The following ARHGAP29 variants were observed in gnomAD, a reference collection of about 807,000 sequenced individuals.
ARHGAP29 encodes the protein Rho GTPase activating protein 29, also known as rho GTPase-activating protein 29.
In ARHGAP29, 43 loss-of-function variants were observed where a neutral mutation model predicts 122.6. That is an observed-to-expected ratio of 0.35 (90% CI 0.27 to 0.45). ARHGAP29 has a LOEUF of 0.45. ARHGAP29 is among the 20% of genes least tolerant of loss of function. ARHGAP29 has a pLI of 1.00. For synonymous variants in ARHGAP29, 506 were observed against 497.1 expected, an observed-to-expected ratio of 1.02 and a Z score of -0.24; for missense variants, 1,303 against 1,477.2, an observed-to-expected ratio of 0.88 and a Z score of 1.93.
At chr1:94,201,129 C>T (rs1650815357) in intron 12 of ARHGAP29, among the ~76,000 whole-genome samples, 1 of 152,012 alleles carries the variant, frequency 6.6e-6, no homozygotes, top group South Asian at 2.1e-4. Flanking sequence ...TAATTTACTC[C>T]AATTCTGAAG....
Position 94,169,101 on chromosome 1 carries a change from T to A in ARHGAP29, c.*4768A>T, listed in dbSNP as rs978621617. 6.6e-6 allele frequency among the ~76,000 whole-genome samples: 1 copy of A among 152,236 alleles called. No homozygotes were observed. Among genetic ancestry groups the A allele is most frequent in the African/African-American group, 2.4e-5 (1 of 41,458 alleles). Reference sequence around the variant, plus strand: ...CAATATTTTCTATAAATTTCATAAATGTCTATGTTTAAACATTCCTGGTAA... The same window carrying A: ...CAATATTTTCTATAAATTTCATAAAAGTCTATGTTTAAACATTCCTGGTAA... On this transcript the variant is annotated 3_prime_UTR_variant, in exon 23 of 23. Transcript: ENST00000260526.
the ARHGAP29 span, among the ~76,000 whole-genome samples, chr1:94,283,392 C>T: frequency 1.2e-4 from 19 of 152,158 alleles, no homozygotes; most frequent in African/African-American, 4.3e-4. Context: ...TTGTGACTCC[C>T]AAGCACCACT....
At chr1:94,212,713 G>A (rs932599271) in intron 3 of ARHGAP29, among the ~76,000 whole-genome samples, 2 of 152,140 alleles carry the variant, frequency 1.3e-5, no homozygotes, top group Non-Finnish European at 2.9e-5. Context: ...CTACCTGAGC[G>A]AAGTTATAGC....
chr1:94,297,700 G>A, the ARHGAP29 span, among the ~76,000 whole-genome samples: 1 of 152,176 alleles, frequency 6.6e-6, no homozygotes, highest in Non-Finnish European at 1.5e-5. Context: ...TCAGAGCTGG[G>A]CACATGACAT....
rs149093475 is a variant in ARHGAP29 at position 94,189,321 on chromosome 1, G to T, written c.1471C>A (p.Pro491Thr). The T allele has an allele frequency of 1.2e-6, 2 of 1,611,708 alleles. No individual in the cohort carries two copies. Among genetic ancestry groups the T allele is most frequent in the Non-Finnish European group, 1.7e-6 (2 of 1,179,076 alleles). Residue 491 changes from proline to threonine, a missense_variant, in exon 14 of 23, where the codon CCT (proline) becomes ACT (threonine). By Grantham distance (38) the Pro-to-Thr change is conservative (BLOSUM62 -1). This residue lies in a region of ARHGAP29 where 592 missense variants were observed against 648.2 expected (regional missense o/e 0.91). Transcript: ENST00000260526. ...GAGTTGGCAGGTCCAAATCCTGAAG[G>T]TTGGGAACTATTTAAATGTTTATTT... ...NVNKHLNSSQ[P>T]SGFGPANSLE... is the part of the protein sequence containing the mutation.
rs541671376 is a variant in ARHGAP29 at position 94,173,615 on chromosome 1, G to A, written c.*254C>T. ...AAGTCAACTGAACTTTAAAAAATAC[G>A]AATCCACCTATCTTATTCACAACTT... On this transcript the variant is annotated 3_prime_UTR_variant, in exon 23 of 23. Transcript: ENST00000260526. The A allele has an allele frequency of 7.5e-5, 27 of 361,480 alleles. 1 individual carries two copies. Among genetic ancestry groups the A allele is most frequent in the Non-Finnish European group, 4.5e-5 (9 of 201,620 alleles). The allele number at this position is 361,480 out of a possible 1,614,324, so 22.4% of individuals were successfully genotyped here.
the ARHGAP29 span, chr1:94,302,487 A>G: frequency 5.7e-6 from 2 of 352,760 alleles, no homozygotes; most frequent in Non-Finnish European, 1.1e-5. Context: ...CCAGCTGCCT[A>G]ACCTCCTGGC....
chr1:94,196,424 G>T (rs1217096834), intron 12 of ARHGAP29, among the ~76,000 whole-genome samples: 3 of 150,738 alleles, frequency 2.0e-5, no homozygotes, highest in Non-Finnish European at 3.0e-5. Context: ...ACCACGCCCG[G>T]CTAATTTTTT....
At chr1:94,279,084 C>T (rs144928296), upstream of ARHGAP29, among the ~76,000 whole-genome samples, 191 of 152,332 alleles carry the variant, frequency 1.3e-3, no homozygotes, top group Admixed American at 2.9e-3. Context: ...AGGTGTCAGA[C>T]GACAGTGTCC....
intron 1 of ARHGAP29, among the ~76,000 whole-genome samples, chr1:94,253,221 G>A (rs191797411): frequency 2.1e-3 from 321 of 152,048 alleles, no homozygotes; most frequent in Non-Finnish European, 3.8e-3. Context: ...CGCCCATCTC[G>A]GTCCCCCTAA....
chr1:94,311,425 G>A, the ARHGAP29 span, among the ~76,000 whole-genome samples: 2 of 152,036 alleles, frequency 1.3e-5, no homozygotes, highest in South Asian at 2.1e-4. Context: ...TGGAGAGAAC[G>A]TGCCCTCGAC....
chr1:94,214,431 C>T (rs1557866963), intron 3 of ARHGAP29, among the ~76,000 whole-genome samples: 1 of 152,172 alleles, frequency 6.6e-6, no homozygotes, highest in Admixed American at 6.5e-5. Flanking sequence ...GTTTTAACCT[C>T]CAAGCTCCAG....
chr1:94,189,866 A>G lies in ARHGAP29; in HGVS notation c.1439+60T>C. 4 of 1,547,336 alleles carry G rather than the reference A, an allele frequency of 2.6e-6. No individual in the cohort carries two copies. In the South Asian group the frequency reaches 4.6e-5, roughly 18 times the overall value. ...AAAGTCTCCTCCTTGTACTAGATAG[A>G]AACTTAACAATTAAGTGTTTTATAT... On this transcript the variant is annotated intron_variant, in intron 13 of 22. Transcript: ENST00000260526.
At chr1:94,176,476 T>A (rs979792306) in intron 22 of ARHGAP29, 3 of 152,222 alleles carry the variant, frequency 2.0e-5, no homozygotes, top group Non-Finnish European at 4.4e-5. Flanking sequence ...TTTCAGACGG[T>A]TAGTTATGGG....
chr1:94,256,444 TC>T (rs1475006072), intron 1 of ARHGAP29, among the ~76,000 whole-genome samples: 1 of 151,396 alleles, frequency 6.6e-6, no homozygotes, highest in African/African-American at 2.4e-5. Context: ...GGTCAGAATT[TC>T]TTAAGAATAA....
At chr1:94,223,446 C>A (rs999555157) in intron 2 of ARHGAP29, among the ~76,000 whole-genome samples, 3 of 152,024 alleles carry the variant, frequency 2.0e-5, no homozygotes, top group Non-Finnish European at 2.9e-5. Context: ...GATAAGGTAG[C>A]TAGTTCACAG....
chr1:94,299,447 A>G, the ARHGAP29 span, among the ~76,000 whole-genome samples: 2 of 152,208 alleles, frequency 1.3e-5, no homozygotes, highest in Non-Finnish European at 2.9e-5. Flanking sequence ...AATCCTAAGA[A>G]AGAGCTTAAC....
Position 94,178,118 on chromosome 1 carries a change from C to T in ARHGAP29, c.2530G>A (p.Val844Met). 1.2e-6 allele frequency: 2 copies of T among 1,613,994 alleles called. No individual in the cohort carries two copies. Among genetic ancestry groups the T allele is most frequent in the Non-Finnish European group, 1.7e-6 (2 of 1,179,958 alleles). The change falls in exon 21 of 23, where the codon GTG becomes ATG. Residue 844 changes from valine (V) to methionine (M), a missense_variant. Around this residue, in one of 3 missense-constraint regions of ARHGAP29, gnomAD observed 620 missense variants for 651.2 expected, o/e 0.95. Transcript: ENST00000260526. ...CTAATGAGACTTGGTCCAAATATCA[C>T]CCCCAAGTTTTTGGAGTTCATCTTG... Reference protein sequence around the residue: ...ENKMNSKNLGVIFGPSLIRPR... With the variant: ...ENKMNSKNLGMIFGPSLIRPR...
chr1:94,185,603 T>C, intron 16 of ARHGAP29, 122 bp from the exon 17 acceptor site: 1 of 879,288 alleles, frequency 1.1e-6, no homozygotes, highest in East Asian at 3.1e-5. Flanking sequence ...GCTTTGAATC[T>C]CTAATATCAA....
Sources: gnomAD v4.1 joint callset for allele counts (sites outside exome capture counted in the v4.1 genomes callset) on GRCh38, gnomAD v4.1.1 for gene constraint, gnomAD v4.1.1 regional missense constraint, MANE v1.5 for transcripts, NCBI Gene and HGNC (gene_info 2026-07-23, HGNC 2026-07-21) for gene names.